The following ANXA13 variants were observed in gnomAD, a reference collection of about 807,000 sequenced individuals.
ANXA13 encodes annexin XIII.
ANXA13 carries 36 observed loss-of-function variants against 46.6 expected under a neutral mutation model. The observed-to-expected ratio is 0.77, with a 90% confidence interval of 0.59 to 1.02. ANXA13 has a LOEUF of 1.02. Among genes scored for constraint, ANXA13 ranks in the 50% least tolerant of loss-of-function variants. ANXA13 has a pLI of 0.00. For missense variants in ANXA13, 417 were observed against 396.5 expected (o/e 1.05, Z -0.44); for synonymous variants, 163 against 152.9 (o/e 1.07, Z -0.49).
chr8:123,688,903 G>A lies in ANXA13; in HGVS notation c.686C>T (p.Ser229Leu), dbSNP rs1350448621. The A allele has an allele frequency of 1.2e-6, 2 of 1,613,878 alleles. No individual in the cohort carries two copies. The highest frequency in any genetic ancestry group is 1.7e-6 in the Non-Finnish European group (2 of 1,179,880). Residue 229 changes from serine (S) to leucine (L), a missense_variant, in exon 9 of 11, where the codon TCA (serine) becomes TTA (leucine). By Grantham distance (145) the Ser-to-Leu change is moderately radical. Transcript: ENST00000419625. The stretch of plus-strand genomic sequence containing the variant: ...TAAATAGGCCTTCTGCAAGTCGCCT[G>A]ATGTTTCTTCTTCAATGGCTTCTTC... ...DIEEAIEEET[S>L]GDLQKAYLTL...
chr8:123,707,237 A>G (rs1315944922), intron 2 of ANXA13, among the ~76,000 whole-genome samples: 1 of 152,256 alleles, frequency 6.6e-6, no homozygotes, highest in African/African-American at 2.4e-5. Context: ...TTTGCATGTC[A>G]TCACGACAGA....
chr8:123,703,813 G>C (rs1279713070), intron 2 of ANXA13, among the ~76,000 whole-genome samples: 1 of 152,172 alleles, frequency 6.6e-6, no homozygotes, highest in Non-Finnish European at 1.5e-5. Flanking sequence ...TAGTGAATAA[G>C]AAAGAAGGGG....
At chr8:123,715,026 G>C (rs1437116564) in intron 1 of ANXA13, among the ~76,000 whole-genome samples, 1 of 152,254 alleles carries the variant, frequency 6.6e-6, no homozygotes, top group Non-Finnish European at 1.5e-5. Flanking sequence ...TCATCCAACA[G>C]AGGGGTCGGA....
At chr8:123,694,657 G>A (rs560057763) in intron 6 of ANXA13, among the ~76,000 whole-genome samples, 2 of 152,274 alleles carry the variant, frequency 1.3e-5, no homozygotes, top group South Asian at 4.1e-4. Flanking sequence ...TGGCAGCCCT[G>A]GCCGACACCT....
At chr8:123,720,129 T>C (rs1489868851) in intron 1 of ANXA13, among the ~76,000 whole-genome samples, 1 of 152,198 alleles carries the variant, frequency 6.6e-6, no homozygotes, top group Non-Finnish European at 1.5e-5. Context: ...TGCACTCTGC[T>C]CAGTAAACAT....
intron 9 of ANXA13, 136 bp from the exon 10 acceptor site, chr8:123,684,858 A>T (rs773820943): frequency 3.1e-6 from 2 of 645,038 alleles, no homozygotes; most frequent in Non-Finnish European, 5.5e-6. Flanking sequence ...AGCTGACTTG[A>T]CACCGTTGCG....
At chr8:123,712,276 T>A in intron 2 of ANXA13, 1 of 200,742 alleles carries the variant, frequency 5.0e-6, no homozygotes, top group Non-Finnish European at 1.0e-5. Flanking sequence ...TCTTCTGCCA[T>A]GCTTGTGAGG....
chr8:123,735,755 A>G lies in ANXA13; in HGVS notation c.15+1565T>C. On this transcript the variant is annotated intron_variant, in intron 1 of 10. Coordinates refer to ENST00000419625, the MANE Select transcript of ANXA13 (RefSeq NM_004306.4). ...TTTGGGGGGAAAATAAAGTGCTTAC[A>G]GGCTGTGGGGCCTCTGGCTCTCCAT... 1.9e-6 allele frequency: 3 copies of G among 1,609,964 alleles called. No homozygotes were observed. The South Asian group carries it at 3.3e-5, about 18-fold the overall frequency.
At chr8:123,717,109 A>G (rs1813771234) in intron 1 of ANXA13, among the ~76,000 whole-genome samples, 2 of 152,176 alleles carry the variant, frequency 1.3e-5, no homozygotes. Context: ...ATTAAACGTC[A>G]ATAATAATGA....
chr8:123,730,198 C>T (rs929990069), intron 1 of ANXA13, among the ~76,000 whole-genome samples: 1 of 152,156 alleles, frequency 6.6e-6, no homozygotes, highest in Non-Finnish European at 1.5e-5. Context: ...CTCTCCAAGC[C>T]CTTCTCCACT....
intron 1 of ANXA13, among the ~76,000 whole-genome samples, chr8:123,714,397 T>G (rs1258417156): frequency 6.6e-6 from 1 of 152,204 alleles, no homozygotes; most frequent in Non-Finnish European, 1.5e-5. Flanking sequence ...CTGCTGAGTC[T>G]GCTACAGTGA....
At chr8:123,730,128 T>C (rs1586342710) in intron 1 of ANXA13, among the ~76,000 whole-genome samples, 1 of 152,046 alleles carries the variant, frequency 6.6e-6, no homozygotes, top group Non-Finnish European at 1.5e-5. Context: ...TGGCAGAGGG[T>C]CTTCATTTCT....
At chr8:123,733,175 TA>T (rs1367529082) in intron 1 of ANXA13, among the ~76,000 whole-genome samples, 1 of 151,574 alleles carries the variant, frequency 6.6e-6, no homozygotes, top group Non-Finnish European at 1.5e-5. Flanking sequence ...AAAAAAGTAA[TA>T]TTTCCTAATC....
At chr8:123,737,271 A>C in intron 1 of ANXA13, 49 bp downstream of exon 1, 3 of 1,575,144 alleles carry the variant, frequency 1.9e-6, no homozygotes, top group Non-Finnish European at 2.6e-6. Flanking sequence ...AAATTCTTCC[A>C]CATGCTAACC....
intron 1 of ANXA13, 119 bp from the exon 2 acceptor site, chr8:123,712,872 C>G (rs1813686645): frequency 1.2e-6 from 1 of 823,456 alleles, no homozygotes; most frequent in East Asian, 2.7e-5. Flanking sequence ...CCAGCTGTCA[C>G]TTCACACACT....
chr8:123,686,128 G>A (rs1813136261), intron 9 of ANXA13, among the ~76,000 whole-genome samples: 1 of 152,060 alleles, frequency 6.6e-6, no homozygotes, highest in Admixed American at 6.6e-5. Context: ...AGCAGCAGCA[G>A]GAATCTCTCA....
chr8:123,731,994 G>A (rs1191635055), intron 1 of ANXA13, among the ~76,000 whole-genome samples: 1 of 152,218 alleles, frequency 6.6e-6, no homozygotes, highest in Non-Finnish European at 1.5e-5. Context: ...AGCTTGGGGG[G>A]CAGGGGATGG....
At chr8:123,736,907 G>T (rs185149577) in intron 1 of ANXA13, among the ~76,000 whole-genome samples, 391 of 137,988 alleles carry the variant, frequency 2.8e-3, no homozygotes, top group Middle Eastern at 0.017. Flanking sequence ...GGAGTGCAGT[G>T]GTGCAATCTC....
intron 9 of ANXA13, among the ~76,000 whole-genome samples, chr8:123,686,225 C>T (rs562015868): frequency 1.3e-5 from 2 of 152,188 alleles, no homozygotes; most frequent in South Asian, 2.1e-4. Flanking sequence ...GTAATCCCAG[C>T]GCTTTGGGAG....
Sources: gnomAD v4.1 joint callset for allele counts (sites outside exome capture counted in the v4.1 genomes callset) on GRCh38, gnomAD v4.1.1 for gene constraint, MANE v1.5 for transcripts, NCBI Gene and HGNC (gene_info 2026-07-23, HGNC 2026-07-21) for gene names.